Variants in OSBPL10 observed in about 807,000 individuals in gnomAD.
OSBPL10 encodes oxysterol-binding protein-related protein 10.
A neutral mutation model predicts 81.7 loss-of-function variants in OSBPL10; 49 were observed. That is an observed-to-expected ratio of 0.60 (90% CI 0.48 to 0.76). OSBPL10 has a LOEUF of 0.76. OSBPL10 is among the 30% of genes least tolerant of loss of function. OSBPL10 has a pLI of 0.00. For missense variants in OSBPL10, 923 were observed against 987.8 expected, an observed-to-expected ratio of 0.93 and a Z score of 0.88; for synonymous variants, 419 against 383.6, an observed-to-expected ratio of 1.09 and a Z score of -1.08.
Position 31,990,389 on chromosome 3 carries a change from G to A in OSBPL10, n.298+56102C>T, listed in dbSNP as rs193000789. On this transcript the variant is annotated intron_variant and non_coding_transcript_variant, in intron 2 of 3. Transcript: ENST00000479173. ...AATAAATGTGGCAAATTTTTTAGAC[G>A]TCGTTCATATCTCGTAGTTCATTGG... The A allele has an allele frequency of 1.2e-4, 190 of 1,613,568 alleles. 2 individuals carry two copies. In the African/African-American group the frequency reaches 1.9e-3, roughly 16 times the overall value.
intron 1 of OSBPL10, among the ~76,000 whole-genome samples, chr3:31,895,345 G>A (rs766256853): frequency 6.6e-6 from 1 of 151,302 alleles, no homozygotes; most frequent in Non-Finnish European, 1.5e-5. Context: ...CACCATGTTA[G>A]CCAGGATGGT....
chr3:31,917,345 T>C (rs1264143838), intron 1 of OSBPL10, among the ~76,000 whole-genome samples: 1 of 152,164 alleles, frequency 6.6e-6, no homozygotes, highest in Non-Finnish European at 1.5e-5. Context: ...TGTCTTTTGC[T>C]ATGTTGTGAA....
At position 31,956,604 on chromosome 3, in the gene OSBPL10, T is replaced by C. The variant is rs112971693; in HGVS notation, c.281+24295A>G. On this transcript the variant is annotated intron_variant, in intron 1 of 11. Transcript: ENST00000396556. ...TTAGCTGGGCTTGGTGGCGGGCACC[T>C]GTATTCCCAGCCACTCAGGAGACTG... Among the ~76,000 whole-genome samples the C allele has an allele frequency of 1.4e-3, 214 of 152,176 alleles. No homozygotes were observed. In the Middle Eastern group the frequency reaches 0.037, roughly 27 times the overall value.
intron 2 of OSBPL10, chr3:31,990,731 C>T: frequency 6.2e-7 from 1 of 1,614,034 alleles, no homozygotes; most frequent in Non-Finnish European, 8.5e-7. Flanking sequence ...AGTCGCAAAT[C>T]ACACCATGAA....
At chr3:31,775,087 G>T (rs868695460) in intron 4 of OSBPL10, among the ~76,000 whole-genome samples, 3 of 151,980 alleles carry the variant, frequency 2.0e-5, no homozygotes, top group African/African-American at 4.8e-5. Context: ...CAGGAGAATC[G>T]TTTGAACTCA....
intron 1 of OSBPL10, among the ~76,000 whole-genome samples, chr3:32,053,120 G>A (rs1699682006): frequency 6.6e-6 from 1 of 152,100 alleles, no homozygotes; most frequent in African/African-American, 2.4e-5. Flanking sequence ...TCCACACCTA[G>A]TACATAATTC....
chr3:31,797,214 C>T (rs1292374325), intron 4 of OSBPL10, among the ~76,000 whole-genome samples: 2 of 151,956 alleles, frequency 1.3e-5, no homozygotes, highest in African/African-American at 4.8e-5. Context: ...AGGATGGTCT[C>T]GATCTCCTGA....
intron 7 of OSBPL10, among the ~76,000 whole-genome samples, chr3:31,697,414 A>G (rs1416017399): frequency 6.6e-6 from 1 of 152,184 alleles, no homozygotes; most frequent in African/African-American, 2.4e-5. Context: ...GTTACCAGCA[A>G]TAGACAATTG....
upstream of OSBPL10, among the ~76,000 whole-genome samples, chr3:31,983,798 T>C (rs1175731555): frequency 6.6e-6 from 1 of 152,144 alleles, no homozygotes; most frequent in Admixed American, 6.5e-5. Flanking sequence ...GAGGAAAAAG[T>C]CTTTATGTTT....
At chr3:31,724,772 G>A (rs1434342718) in intron 6 of OSBPL10, among the ~76,000 whole-genome samples, 1 of 152,190 alleles carries the variant, frequency 6.6e-6, no homozygotes, top group African/African-American at 2.4e-5. Context: ...TGTGTGCAGG[G>A]TTTAGGTTTG....
intron 8 of OSBPL10, among the ~76,000 whole-genome samples, chr3:31,682,889 G>A (rs531231076): frequency 1.3e-5 from 2 of 152,194 alleles, no homozygotes; most frequent in African/African-American, 2.4e-5. Context: ...TTATCTCATG[G>A]GGTTTTGGAA....
At chr3:31,793,668 ACT>A (rs1179597814) in intron 4 of OSBPL10, among the ~76,000 whole-genome samples, 1 of 152,136 alleles carries the variant, frequency 6.6e-6, no homozygotes, top group African/African-American at 2.4e-5. Context: ...AATTAGGAAG[ACT>A]CTCTAAGTTT....
chr3:31,762,364 G>A (rs918863335), intron 4 of OSBPL10, among the ~76,000 whole-genome samples: 1 of 152,186 alleles, frequency 6.6e-6, no homozygotes, highest in South Asian at 2.1e-4. Context: ...TTCACAAGAT[G>A]TGTGGCAGGG....
intron 2 of OSBPL10, among the ~76,000 whole-genome samples, chr3:31,995,410 A>G (rs1454431312): frequency 2.0e-5 from 3 of 152,130 alleles, no homozygotes; most frequent in South Asian, 2.1e-4. Flanking sequence ...TATCTTCCCT[A>G]TTTGCATGTC....
chr3:31,754,899 TGGTTATTATGTTAGGGGACTCTG>T (rs1697841329), intron 4 of OSBPL10, among the ~76,000 whole-genome samples: 1 of 152,222 alleles, frequency 6.6e-6, no homozygotes, highest in Non-Finnish European at 1.5e-5. Flanking sequence ...CTAGATATTT[TGGTTATTATGTTAGGGGACTCTG>T]GGTCCCATTT....
chr3:31,920,488 A>G (rs996961806), intron 1 of OSBPL10, among the ~76,000 whole-genome samples: 14 of 152,204 alleles, frequency 9.2e-5, no homozygotes, highest in Non-Finnish European at 1.6e-4. Context: ...GGAACAGCAC[A>G]TAAGAATTGT....
intron 1 of OSBPL10, among the ~76,000 whole-genome samples, chr3:31,923,072 A>G (rs1276744321): frequency 6.6e-6 from 1 of 152,226 alleles, no homozygotes; most frequent in Non-Finnish European, 1.5e-5. Context: ...AACAAGGGGC[A>G]AGGTCCAGGA....
At chr3:31,733,492 T>G (rs562724230) in intron 5 of OSBPL10, 81 bp from the exon 6 acceptor site, 17 of 1,550,900 alleles carry the variant, frequency 1.1e-5, no homozygotes, top group Middle Eastern at 1.7e-4. Flanking sequence ...ACTCACTGTA[T>G]GAAGAGACCT....
intron 4 of OSBPL10, among the ~76,000 whole-genome samples, chr3:31,820,298 T>C (rs1231117769): frequency 1.3e-5 from 2 of 152,084 alleles, no homozygotes; most frequent in Admixed American, 6.6e-5. Flanking sequence ...AATGGGGATA[T>C]TAGAAAAAAT....
Sources: gnomAD v4.1 joint callset for allele counts (sites outside exome capture counted in the v4.1 genomes callset) on GRCh38, gnomAD v4.1.1 for gene constraint, MANE v1.5 for transcripts, NCBI Gene and HGNC (gene_info 2026-07-23, HGNC 2026-07-21) for gene names.